The following DDR2 variants were observed in gnomAD, a reference collection of about 807,000 sequenced individuals.
The protein encoded by DDR2 is discoidin domain receptor tyrosine kinase 2, also known as discoidin domain-containing receptor 2.
Under a neutral mutation model 94.9 loss-of-function variants are expected in DDR2, and 27 were observed. The ratio of observed to expected loss-of-function variants is 0.28; its 90% CI spans 0.21 to 0.39. The LOEUF (loss-of-function observed/expected upper bound fraction) is 0.39. Ranked by LOEUF, DDR2 falls within the 10% of genes least tolerant of loss-of-function variation. DDR2 has a pLI of 1.00. For missense variants in DDR2, 783 were observed against 1,076.0 expected (o/e 0.73, Z 3.81); for synonymous variants, 382 against 377.2 (o/e 1.01, Z -0.15).
chr1:162,752,469 T>A (rs1391222778), intron 3 of DDR2, among the ~76,000 whole-genome samples: 1 of 152,212 alleles, frequency 6.6e-6, no homozygotes, highest in African/African-American at 2.4e-5. Flanking sequence ...TTTCATATAT[T>A]TTGTCCTTTT....
At position 162,785,707 on chromosome 1, in the gene DDR2, G is replaced by A. The variant is rs1648119616; in HGVS notation, c.*5461G>A. 4.6e-5 allele frequency: 7 copies of A among 152,138 alleles called. No individual in the cohort carries two copies. In the South Asian group the frequency reaches 1.5e-3, roughly 32 times the overall value. 9.4% of individuals were successfully genotyped at this position (152,138 alleles called of 1,614,324 possible). The stretch of plus-strand genomic sequence containing the variant: ...ATCCAGTTAACTAGAGTGAATGTAG[G>A]GAGAATTGTTTTGCTTGTAACATGG... On this transcript the variant is annotated 3_prime_UTR_variant, in exon 18 of 18. Transcript: ENST00000367921.
At chr1:162,709,653 CCTT>C (rs2102011259) in intron 2 of DDR2, among the ~76,000 whole-genome samples, 1 of 152,298 alleles carries the variant, frequency 6.6e-6, no homozygotes, top group South Asian at 2.1e-4. Context: ...GGAAAGATGA[CCTT>C]CTGCTCACCA....
chr1:162,711,957 T>C (rs1412532559), intron 2 of DDR2, among the ~76,000 whole-genome samples: 1 of 152,006 alleles, frequency 6.6e-6, no homozygotes, highest in Non-Finnish European at 1.5e-5. Context: ...TCCAGAGTGC[T>C]GGGGCTTGCT....
chr1:162,680,181 G>T (rs568202901), intron 2 of DDR2, among the ~76,000 whole-genome samples: 1 of 152,076 alleles, frequency 6.6e-6, no homozygotes, highest in Non-Finnish European at 1.5e-5. Flanking sequence ...ATTGCTTTTG[G>T]TGTCTTCATC....
At chr1:162,631,207 TG>T (rs1443789286), upstream of DDR2, among the ~76,000 whole-genome samples, 2 of 151,536 alleles carry the variant, frequency 1.3e-5, no homozygotes, top group African/African-American at 4.9e-5. Context: ...TGTGTGTGTG[TG>T]TGTGTGTGTG....
chr1:162,704,448 T>A (rs1282155005), intron 2 of DDR2, among the ~76,000 whole-genome samples: 2 of 152,180 alleles, frequency 1.3e-5, no homozygotes, highest in African/African-American at 2.4e-5. Context: ...ATCAAATAAC[T>A]ATCTACTCTA....
chr1:162,740,647 T>C (rs968634512), intron 3 of DDR2, among the ~76,000 whole-genome samples: 5 of 152,162 alleles, frequency 3.3e-5, no homozygotes, highest in African/African-American at 1.2e-4. Flanking sequence ...TCTCTCACAT[T>C]ATATATTTAT....
In DDR2 at chr1:162,759,888, A is replaced by G. The variant is rs370731229; in HGVS notation, c.764A>G (p.Asp255Gly). The change falls in exon 8 of 18, where the codon GAC (aspartate) becomes GGC (glycine). Residue 255 changes from aspartate to glycine, a missense_variant. Physicochemically the swap from Asp to Gly is moderately conservative, Grantham distance 94. Around this residue, in one of 2 missense-constraint regions of DDR2, gnomAD observed 519 missense variants for 647.9 expected, o/e 0.80. Coordinates refer to ENST00000367921, the MANE Select transcript of DDR2 (RefSeq NM_006182.4). ...GAATACCACGTGTGGCCCGGCTATG[A>G]CTATGTGGGCTGGCGGAACGAGAGT... ...THEYHVWPGY[D>G]YVGWRNESAT... 6.2e-7 allele frequency: 1 copy of G among 1,614,154 alleles called. No individual in the cohort carries two copies.
chr1:162,711,456 C>T (rs888594375), intron 2 of DDR2, among the ~76,000 whole-genome samples: 2 of 152,208 alleles, frequency 1.3e-5, no homozygotes, highest in African/African-American at 2.4e-5. Flanking sequence ...TAACTTTAGG[C>T]ATTTCTTAAA....
At chr1:162,775,197 A>G (rs529043941) in intron 14 of DDR2, among the ~76,000 whole-genome samples, 5 of 152,174 alleles carry the variant, frequency 3.3e-5, no homozygotes, top group Admixed American at 1.3e-4. Context: ...AGATAAGCCA[A>G]AGATGGTTGT....
chr1:162,778,595 G>A lies in DDR2; in HGVS notation c.2299G>A (p.Ala767Thr), dbSNP rs1647718725. ...ACTTAAATAGGGCAAGTTCACTACA[G>A]CAAGTGATGTGTGGGCCTTTGGGGT... ...ESILLGKFTT[A>T]SDVWAFGVTL... is the part of the protein sequence containing the mutation. Residue 767 changes from alanine (A) to threonine (T), a missense_variant, in exon 17 of 18, where the codon GCA (alanine) becomes ACA (threonine). This residue lies in a region of DDR2 where 264 missense variants were observed against 428.2 expected (regional missense o/e 0.62). Transcript: ENST00000367921. 1.2e-6 allele frequency: 2 copies of A among 1,613,900 alleles called. No homozygotes were observed. The highest frequency in any genetic ancestry group is 1.7e-6 in the Non-Finnish European group (2 of 1,179,922).
intron 2 of DDR2, among the ~76,000 whole-genome samples, chr1:162,666,633 A>C (rs1658583294): frequency 6.6e-6 from 1 of 152,156 alleles, no homozygotes; most frequent in South Asian, 2.1e-4. Flanking sequence ...GCATGTATGT[A>C]AAATCATCTG....
At chr1:162,685,840 G>T (rs931473227) in intron 2 of DDR2, among the ~76,000 whole-genome samples, 1 of 152,174 alleles carries the variant, frequency 6.6e-6, no homozygotes, top group Non-Finnish European at 1.5e-5. Context: ...TAAGGAAACT[G>T]AAGCAGACAG....
intron 2 of DDR2, among the ~76,000 whole-genome samples, chr1:162,685,617 C>A (rs956669973): frequency 6.6e-6 from 1 of 152,034 alleles, no homozygotes; most frequent in Non-Finnish European, 1.5e-5. Flanking sequence ...ACTGGGTGAT[C>A]TCGGAGGTCC....
At chr1:162,746,477 G>T (rs114397650) in intron 3 of DDR2, among the ~76,000 whole-genome samples, 1 of 152,204 alleles carries the variant, frequency 6.6e-6, no homozygotes, top group Non-Finnish European at 1.5e-5. Flanking sequence ...CGGGAAGGTC[G>T]AACTGGGTGG....
At chr1:162,745,349 C>A (rs191811999) in intron 3 of DDR2, among the ~76,000 whole-genome samples, 1 of 151,860 alleles carries the variant, frequency 6.6e-6, no homozygotes, top group Non-Finnish European at 1.5e-5. Context: ...ATTGTAGTTC[C>A]GCCTGTTTTT....
At position 162,759,928 on chromosome 1, in the gene DDR2, C is replaced by T. The variant is rs1233846563; in HGVS notation, c.804C>T (p.Tyr268=). The T allele has an allele frequency of 6.8e-6, 11 of 1,613,976 alleles. No individual in the cohort carries two copies. The highest frequency in any genetic ancestry group is 1.3e-5 in the African/African-American group (1 of 74,876). The part of the protein sequence containing the change: ...GWRNESATNG[Y]IEIMFEFDRI... The stretch of plus-strand genomic sequence containing the variant: ...GGAACGAGAGTGCCACCAATGGCTA[C>T]ATTGAGATCATGTTTGAATTTGACC... Residue 268 remains tyrosine (Y), a synonymous_variant, in exon 8 of 18, where the codon TAC becomes TAT. Transcript: ENST00000367921.
At position 162,781,988 on chromosome 1, in the gene DDR2, A is replaced by G. The variant is rs1214171735; in HGVS notation, c.*1742A>G. On this transcript the variant is annotated 3_prime_UTR_variant, in exon 18 of 18. Coordinates refer to ENST00000367921, the MANE Select transcript of DDR2 (RefSeq NM_006182.4). ...CATTGCTCCACGCCACAGCATAAGC[A>G]TAGATCCCAAGTCCACAGGCTCCAT... 1.3e-5 allele frequency: 2 copies of G among 152,270 alleles called. No homozygotes were observed. The highest frequency in any genetic ancestry group is 2.9e-5 in the Non-Finnish European group (2 of 68,074). The allele number at this position is 152,270 out of a possible 1,614,324, so 9.4% of individuals were successfully genotyped here. A position where few individuals can be genotyped will look rare whatever the true frequency, so the allele number is the denominator to read the frequency against.
chr1:162,645,985 TG>T (rs1657387218), intron 1 of DDR2, among the ~76,000 whole-genome samples: 1 of 152,216 alleles, frequency 6.6e-6, no homozygotes, highest in South Asian at 2.1e-4. Context: ...ATAGCACATC[TG>T]CTCACAGCGT....
Sources: gnomAD v4.1 joint callset for allele counts (sites outside exome capture counted in the v4.1 genomes callset) on GRCh38, gnomAD v4.1.1 for gene constraint, gnomAD v4.1.1 regional missense constraint, MANE v1.5 for transcripts, NCBI Gene and HGNC (gene_info 2026-07-23, HGNC 2026-07-21) for gene names.